The following XYLB variants were observed in gnomAD, a reference collection of about 807,000 sequenced individuals.
XYLB encodes the protein xylulokinase.
In XYLB, 62 loss-of-function variants were observed where a neutral mutation model predicts 78.7. The ratio of observed to expected loss-of-function variants is 0.79; its 90% CI spans 0.64 to 0.97. The LOEUF is 0.97. Among genes scored for constraint, XYLB ranks in the 50% least tolerant of loss-of-function variants. XYLB has a pLI of 0.00. For missense variants in XYLB, 687 were observed against 676.8 expected, an observed-to-expected ratio of 1.02 and a Z score of -0.17; for synonymous variants, 245 against 247.4, an observed-to-expected ratio of 0.99 and a Z score of 0.09.
chr3:38,395,446 G>C (rs1336417160), intron 15 of XYLB, 59 bp from the exon 16 acceptor site: 1 of 1,547,710 alleles, frequency 6.5e-7, no homozygotes, highest in Non-Finnish European at 8.9e-7. Flanking sequence ...TGCAAAAACA[G>C]CCCTTTCTGC....
At chr3:38,423,230 G>A (rs1159528523), downstream of XYLB, among the ~76,000 whole-genome samples, 2 of 151,972 alleles carry the variant, frequency 1.3e-5, no homozygotes, top group Admixed American at 6.6e-5. Context: ...CCACCACCAC[G>A]CCCGGCTAAT....
At chr3:38,369,674 C>A (rs1706443215) in intron 8 of XYLB, among the ~76,000 whole-genome samples, 1 of 152,188 alleles carries the variant, frequency 6.6e-6, no homozygotes, top group Non-Finnish European at 1.5e-5. Flanking sequence ...TGAGACCTTT[C>A]CTTGAAAAGT....
the XYLB span, among the ~76,000 whole-genome samples, chr3:38,443,695 T>C: frequency 6.6e-6 from 1 of 152,210 alleles, no homozygotes; most frequent in Non-Finnish European, 1.5e-5. Flanking sequence ...TCTCCTGATA[T>C]CTGTGACTGA....
At chr3:38,427,818 C>G in the XYLB span, among the ~76,000 whole-genome samples, 1 of 152,200 alleles carries the variant, frequency 6.6e-6, no homozygotes, top group South Asian at 2.1e-4. Context: ...TCTAGAACTC[C>G]TGACTTCAAG....
chr3:38,420,550 A>G (rs1189383304), exon 18 of XYLB, among the ~76,000 whole-genome samples: 1 of 152,188 alleles, frequency 6.6e-6, no homozygotes, highest in Non-Finnish European at 1.5e-5. Flanking sequence ...TGGTTTTGGT[A>G]TTATGTGTTC....
At chr3:38,360,892 G>A (rs111872539) in intron 3 of XYLB, among the ~76,000 whole-genome samples, 2,026 of 152,220 alleles carry the variant, frequency 0.013, 21 homozygotes, top group Non-Finnish European at 0.021. Context: ...AAAATTAGCC[G>A]GGCGTGGTGG....
the XYLB span, among the ~76,000 whole-genome samples, chr3:38,442,141 C>A: frequency 1.3e-5 from 2 of 152,156 alleles, no homozygotes; most frequent in Non-Finnish European, 2.9e-5. Context: ...CAAGGACAAG[C>A]CAGTATAGGC....
At chr3:38,388,012 A>C (rs995987305) in intron 15 of XYLB, among the ~76,000 whole-genome samples, 1 of 152,166 alleles carries the variant, frequency 6.6e-6, no homozygotes, top group Admixed American at 6.5e-5. Context: ...GTTGTGTTTA[A>C]AAGTACGGTG....
At chr3:38,396,977 C>T (rs1353192953) in intron 16 of XYLB, 95 bp from the exon 17 acceptor site, 1 of 1,230,702 alleles carries the variant, frequency 8.1e-7, no homozygotes, top group Non-Finnish European at 1.2e-6. Flanking sequence ...GGTCAGAAGA[C>T]ATATGAGGGA....
At chr3:38,432,834 C>A in the XYLB span, among the ~76,000 whole-genome samples, 1 of 152,252 alleles carries the variant, frequency 6.6e-6, no homozygotes, top group Non-Finnish European at 1.5e-5. Flanking sequence ...CCACTCTTGG[C>A]TTTCACGGGC....
intron 2 of XYLB, among the ~76,000 whole-genome samples, chr3:38,351,269 T>C (rs1449576924): frequency 1.3e-5 from 2 of 151,748 alleles, no homozygotes; most frequent in Non-Finnish European, 2.9e-5. Flanking sequence ...TAGTTTAATT[T>C]CATTGTGGTC....
At chr3:38,360,759 C>T (rs968374784) in intron 3 of XYLB, among the ~76,000 whole-genome samples, 3 of 152,248 alleles carry the variant, frequency 2.0e-5, no homozygotes, top group Non-Finnish European at 4.4e-5. Context: ...ATAGACTGGG[C>T]ATGGTGGCTC....
chr3:38,352,523 G>A (rs1705421652), intron 2 of XYLB, among the ~76,000 whole-genome samples: 1 of 152,196 alleles, frequency 6.6e-6, no homozygotes, highest in Non-Finnish European at 1.5e-5. Context: ...AACACTGGAA[G>A]GAGCCTGGCA....
chr3:38,437,516 C>A, the XYLB span, among the ~76,000 whole-genome samples: 1 of 152,104 alleles, frequency 6.6e-6, no homozygotes, highest in African/African-American at 2.4e-5. Context: ...TCCAGAAAAA[C>A]CTAAAGACTC....
intron 7 of XYLB, among the ~76,000 whole-genome samples, chr3:38,367,890 A>G (rs544670112): frequency 6.6e-6 from 1 of 152,310 alleles, no homozygotes; most frequent in East Asian, 1.9e-4. Flanking sequence ...TCCGGATGGA[A>G]ATGCAGCTTC....
chr3:38,391,915 G>C (rs1707673690), intron 15 of XYLB, among the ~76,000 whole-genome samples: 1 of 152,178 alleles, frequency 6.6e-6, no homozygotes, highest in Non-Finnish European at 1.5e-5. Flanking sequence ...TTTCTGTGAT[G>C]AGTAGAGCTA....
chr3:38,440,108 AG>A, the XYLB span, among the ~76,000 whole-genome samples: 1 of 152,336 alleles, frequency 6.6e-6, no homozygotes, highest in Admixed American at 6.5e-5. Flanking sequence ...TAACCCTATA[AG>A]TAAGGTTATT....
the XYLB span, among the ~76,000 whole-genome samples, chr3:38,432,306 C>A: frequency 6.6e-6 from 1 of 152,226 alleles, no homozygotes; most frequent in African/African-American, 2.4e-5. Flanking sequence ...CAGTGGCTCA[C>A]GCCGGTAATC....
rs976718417 is a variant in XYLB at position 38,372,886 on chromosome 3, G to C, written c.847+150G>C. 3 of 868,250 alleles carry C rather than the reference G, an allele frequency of 3.5e-6. No individual in the cohort carries two copies. In the African/African-American group the frequency reaches 5.0e-5, roughly 14 times the overall value. 53.8% of individuals were successfully genotyped at this position (868,250 alleles called of 1,614,324 possible). A position where few individuals can be genotyped will look rare whatever the true frequency, so the allele number is the denominator to read the frequency against. ...CTGGATGTTTGAGAATTCCAGTCCA[G>C]CCTCTTGGTGAAGCCTTCTGTGGTC... is the stretch of plus-strand genomic sequence containing the variant. On this transcript the variant is annotated intron_variant, in intron 10 of 18. Coordinates refer to ENST00000207870, the MANE Select transcript of XYLB (RefSeq NM_005108.4).
Sources: gnomAD v4.1 joint callset for allele counts (sites outside exome capture counted in the v4.1 genomes callset) on GRCh38, gnomAD v4.1.1 for gene constraint, MANE v1.5 for transcripts, NCBI Gene and HGNC (gene_info 2026-07-23, HGNC 2026-07-21) for gene names.